Variants in ZNF407 observed in about 807,000 individuals in gnomAD.
ZNF407 encodes the protein zinc finger protein 407.
Under a neutral mutation model 131.2 loss-of-function variants are expected in ZNF407, and 17 were observed. That is an observed-to-expected ratio of 0.13 (90% CI 0.09 to 0.19). ZNF407 has a LOEUF of 0.19. Ranked by LOEUF, ZNF407 falls within the 10% of genes least tolerant of loss-of-function variation. The pLI is 1.00. For synonymous variants in ZNF407, 1,156 were observed against 1,062.0 expected (o/e 1.09, Z -1.72); for missense variants, 2,681 against 2,830.6 (o/e 0.95, Z 1.20).
chr18:74,698,088 A>G (rs1967401872), intron 3 of ZNF407, among the ~76,000 whole-genome samples: 1 of 152,232 alleles, frequency 6.6e-6, no homozygotes, highest in Admixed American at 6.5e-5. Flanking sequence ...TTCAATTGAC[A>G]TCATCCTAAA....
chr18:75,005,099 C>A (rs1463883882), intron 8 of ZNF407, among the ~76,000 whole-genome samples: 1 of 152,152 alleles, frequency 6.6e-6, no homozygotes, highest in African/African-American at 2.4e-5. Context: ...CTTGATTCAG[C>A]CTCCCATAAA....
At chr18:74,691,585 T>C (rs1967224665) in intron 3 of ZNF407, among the ~76,000 whole-genome samples, 1 of 152,078 alleles carries the variant, frequency 6.6e-6, no homozygotes, top group Admixed American at 6.5e-5. Flanking sequence ...TCCTTGTATC[T>C]AATATATATT....
chr18:74,708,133 A>C (rs1239451857), intron 3 of ZNF407, among the ~76,000 whole-genome samples: 1 of 152,240 alleles, frequency 6.6e-6, no homozygotes, highest in Non-Finnish European at 1.5e-5. Context: ...ACAAATAAAA[A>C]AATCCCAAAC....
chr18:74,987,114 A>G (rs1459461551), intron 8 of ZNF407, among the ~76,000 whole-genome samples: 2 of 152,214 alleles, frequency 1.3e-5, no homozygotes, highest in South Asian at 2.1e-4. Flanking sequence ...GACAAAATAC[A>G]TTAGCTGATA....
intron 3 of ZNF407, among the ~76,000 whole-genome samples, chr18:74,774,099 G>A (rs933993004): frequency 6.6e-5 from 10 of 152,122 alleles, no homozygotes; most frequent in Non-Finnish European, 5.9e-5. Flanking sequence ...GAAAATTTGA[G>A]AATTACAAGA....
At chr18:74,935,887 C>G (rs1022876178) in intron 8 of ZNF407, among the ~76,000 whole-genome samples, 4 of 152,160 alleles carry the variant, frequency 2.6e-5, no homozygotes, top group Admixed American at 1.3e-4. Flanking sequence ...TGTTTGTTGT[C>G]TTTTAATGGT....
At chr18:74,858,856 ACAAT>A (rs1481291492) in intron 4 of ZNF407, among the ~76,000 whole-genome samples, 2 of 152,184 alleles carry the variant, frequency 1.3e-5, no homozygotes, top group Non-Finnish European at 2.9e-5. Flanking sequence ...TCAGGAAAGG[ACAAT>A]CAGACACATT....
intron 8 of ZNF407, among the ~76,000 whole-genome samples, chr18:74,937,861 C>A (rs1259310955): frequency 6.6e-6 from 1 of 152,144 alleles, no homozygotes; most frequent in Non-Finnish European, 1.5e-5. Context: ...TTGAATCAAT[C>A]ATTAAAATTT....
At chr18:74,733,861 C>T (rs1968348706) in intron 3 of ZNF407, among the ~76,000 whole-genome samples, 1 of 152,206 alleles carries the variant, frequency 6.6e-6, no homozygotes, top group African/African-American at 2.4e-5. Context: ...CTGTGAGCAT[C>T]ATCTCTTGTG....
chr18:74,668,394 G>A (rs1986013003), intron 3 of ZNF407, among the ~76,000 whole-genome samples: 1 of 152,106 alleles, frequency 6.6e-6, no homozygotes, highest in African/African-American at 2.4e-5. Flanking sequence ...TACTCAGCTT[G>A]TACTAAAAAA....
chr18:74,953,109 C>T (rs1972234948), intron 8 of ZNF407, among the ~76,000 whole-genome samples: 1 of 152,178 alleles, frequency 6.6e-6, no homozygotes, highest in South Asian at 2.1e-4. Flanking sequence ...CAAAAAGTCA[C>T]TCTGGCTTCT....
At chr18:74,834,016 GATTTTT>G in intron 4 of ZNF407, among the ~76,000 whole-genome samples, 1 of 152,146 alleles carries the variant, frequency 6.6e-6, no homozygotes, top group East Asian at 1.9e-4. Context: ...TTAATTTTCT[GATTTTT>G]CTGAAAATAG....
At position 74,632,453 on chromosome 18, in the gene ZNF407, A is replaced by G. The variant is rs1984160546; in HGVS notation, c.1434A>G (p.Lys478=). The G allele has an allele frequency of 1.2e-6, 2 of 1,613,936 alleles. No individual in the cohort carries two copies. Among genetic ancestry groups the G allele is most frequent in the East Asian group, 2.2e-5 (1 of 44,902 alleles). ...CACACGATGCAGAATCAGTGCTGAA[A>G]CACCTGGAAGCGTGCAGCAGTGTGC... The part of the protein sequence containing the change: ...MKTHDAESVL[K]HLEACSSVQR... The change falls in exon 2 of 9, where the codon AAA becomes AAG. Residue 478 remains lysine (K), a synonymous_variant. Coordinates refer to ENST00000299687, the MANE Select transcript of ZNF407 (RefSeq NM_017757.3).
chr18:74,598,911 C>T (rs1488378848), intron 1 of ZNF407, among the ~76,000 whole-genome samples: 1 of 152,196 alleles, frequency 6.6e-6, no homozygotes, highest in Non-Finnish European at 1.5e-5. Flanking sequence ...AATAGGACAT[C>T]CCACATCCGT....
intron 3 of ZNF407, among the ~76,000 whole-genome samples, chr18:74,737,136 TATC>T (rs1161749411): frequency 3.3e-5 from 5 of 152,250 alleles, no homozygotes; most frequent in East Asian, 3.8e-4. Context: ...CTTTTTAAAA[TATC>T]ATTGCTGCCA....
chr18:74,702,958 C>T (rs1439673394), intron 3 of ZNF407, among the ~76,000 whole-genome samples: 1 of 152,212 alleles, frequency 6.6e-6, no homozygotes, highest in African/African-American at 2.4e-5. Context: ...AGCCGATGAA[C>T]ATGGGCAGAA....
At chr18:74,692,142 A>AAT (rs1227905524) in intron 3 of ZNF407, among the ~76,000 whole-genome samples, 7 of 151,892 alleles carry the variant, frequency 4.6e-5, no homozygotes, top group East Asian at 3.9e-4. Flanking sequence ...TGTGGAAAAA[A>AAT]ATATATATAT....
At chr18:74,804,897 T>C (rs759698759) in intron 4 of ZNF407, among the ~76,000 whole-genome samples, 2 of 152,238 alleles carry the variant, frequency 1.3e-5, no homozygotes, top group Non-Finnish European at 2.9e-5. Flanking sequence ...TGTGACAGTT[T>C]GATTAGATCA....
chr18:74,622,782 G>A (rs1169482283), intron 1 of ZNF407, among the ~76,000 whole-genome samples: 1 of 151,052 alleles, frequency 6.6e-6, no homozygotes, highest in African/African-American at 2.5e-5. Context: ...GAGTGCGCGT[G>A]TCATTGTGTC....
Sources: allele counts gnomAD v4.1 joint callset (sites outside exome capture counted in the v4.1 genomes callset), GRCh38; gene constraint gnomAD v4.1.1; transcripts MANE v1.5; gene names NCBI Gene and HGNC (gene_info 2026-07-23, HGNC 2026-07-21).